SNAPC3: variants seen among roughly 807,000 people sequenced by gnomAD.
SNAPC3 encodes the protein snRNA-activating protein complex subunit 3.
In SNAPC3, 56 loss-of-function variants were observed where a neutral mutation model predicts 47.7. The ratio of observed to expected loss-of-function variants is 1.18; its 90% CI spans 0.95 to 1.47. The LOEUF is 1.47. SNAPC3 is among the 40% of genes most tolerant of loss of function. The pLI, the probability that SNAPC3 is intolerant of heterozygous loss-of-function variation, is 0.00. For missense variants in SNAPC3, 665 were observed against 511.3 expected (o/e 1.30, Z -2.90); for synonymous variants, 235 against 189.9 (o/e 1.24, Z -1.95).
rs2131706896 is a variant in SNAPC3 at position 15,422,947 on chromosome 9, G to C, written c.68G>C (p.Gly23Ala). 1.3e-6 allele frequency: 2 copies of C among 1,532,690 alleles called. No homozygotes were observed. The highest frequency in any genetic ancestry group is 1.7e-6 in the Non-Finnish European group (2 of 1,144,398). 94.9% of individuals were successfully genotyped at this position (1,532,690 alleles called of 1,614,324 possible). The change falls in exon 1 of 9, where the codon GGC becomes GCC. Residue 23 changes from glycine (G) to alanine (A), a missense_variant. Transcript: ENST00000380821. ...GVGGRQDPVSGSGGCNFPEYE... is the reference protein window; with the variant it reads ...GVGGRQDPVSASGGCNFPEYE... ...GGTGGCAGGCAGGACCCAGTCTCCG[G>C]CAGTGGCGGCTGCAACTTTCCAGAG...
chr9:15,451,354 G>T lies in SNAPC3; in HGVS notation c.767G>T (p.Gly256Val). The T allele has an allele frequency of 6.5e-7, 1 of 1,549,182 alleles. No homozygotes were observed. Among genetic ancestry groups the T allele is most frequent in the Non-Finnish European group, 8.8e-7 (1 of 1,130,998 alleles). Reference protein sequence around the residue: ...LYKSAFFYFEGTFYNDKRYPE... With the variant: ...LYKSAFFYFEVTFYNDKRYPE... Reference sequence around the variant, plus strand: ...AAATCAGCCTTCTTTTATTTTGAAGGAACATTTTATAATGATAAAAGATAC... The same window carrying T: ...AAATCAGCCTTCTTTTATTTTGAAGTAACATTTTATAATGATAAAAGATAC... Residue 256 changes from glycine to valine, a missense_variant, in exon 6 of 9, where the codon GGA becomes GTA. Physicochemically the swap from Gly to Val is moderately radical, Grantham distance 109 (BLOSUM62 -3). Transcript: ENST00000380821.
chr9:15,427,683 A>T (rs1032691428), intron 2 of SNAPC3, among the ~76,000 whole-genome samples: 1 of 152,174 alleles, frequency 6.6e-6, no homozygotes, highest in Admixed American at 6.5e-5. Flanking sequence ...TAGAAATTTT[A>T]GATTATTCTG....
chr9:15,444,694 T>TA lies in SNAPC3; in HGVS notation c.571dup (p.Ile191AsnfsTer4). The TA allele has an allele frequency of 6.4e-7, 1 of 1,567,950 alleles. No individual in the cohort carries two copies. The highest frequency in any genetic ancestry group is 8.8e-7 in the Non-Finnish European group (1 of 1,139,568). On this transcript the variant is annotated frameshift_variant, in exon 4 of 9. Coordinates refer to ENST00000380821, the MANE Select transcript of SNAPC3 (RefSeq NM_001039697.2). LOFTEE classifies it high-confidence loss of function. ...TATCTGTGAATATCTTGTACCCTGT[T>TA]ATATTTCATAAGGTAAGTAGTAAAA...
chr9:15,426,082 A>G (rs992143394), intron 2 of SNAPC3, among the ~76,000 whole-genome samples: 2 of 152,080 alleles, frequency 1.3e-5, no homozygotes, highest in African/African-American at 4.8e-5. Flanking sequence ...CATGTTGGCC[A>G]ACCTCTCGTG....
chr9:15,451,871 T>C (rs1375282490), intron 6 of SNAPC3, among the ~76,000 whole-genome samples: 3 of 152,110 alleles, frequency 2.0e-5, no homozygotes, highest in Non-Finnish European at 4.4e-5. Flanking sequence ...GTACATAATA[T>C]AGGAAAAATC....
chr9:15,425,401 G>A (rs2031233831), intron 2 of SNAPC3, among the ~76,000 whole-genome samples: 1 of 151,968 alleles, frequency 6.6e-6, no homozygotes, highest in Non-Finnish European at 1.5e-5. Flanking sequence ...TGCATTTTTT[G>A]TAGAGACGGG....
intron 5 of SNAPC3, 114 bp from the exon 6 acceptor site, chr9:15,451,201 GCAGTT>G: frequency 3.2e-6 from 1 of 310,264 alleles, no homozygotes; most frequent in Non-Finnish European, 5.3e-6. Flanking sequence ...GAAAATAGTA[GCAGTT>G]TTTTAACACA....
Position 15,451,308 on chromosome 9 carries a change from GT to G in SNAPC3, c.733-8del. 1 of 1,149,290 alleles carries G rather than the reference GT, an allele frequency of 8.7e-7. No individual in the cohort carries two copies. The highest frequency in any genetic ancestry group is 1.2e-6 in the Non-Finnish European group (1 of 802,274). The allele number at this position is 1,149,290 out of a possible 1,614,324, so 71.2% of individuals were successfully genotyped here. On this transcript the variant is annotated splice_polypyrimidine_tract_variant and intron_variant, in intron 5 of 8. Transcript: ENST00000380821. ...AGTTGATTTTCTCTCAATACAATCT[GT>G]TTTCTTGTAGGACCTATACAAATCA...
chr9:15,442,985 A>G (rs1347992016), intron 3 of SNAPC3, among the ~76,000 whole-genome samples: 1 of 152,220 alleles, frequency 6.6e-6, no homozygotes, highest in Admixed American at 6.5e-5. Flanking sequence ...CCTGGCCAAC[A>G]CAGCGAAACC....
chr9:15,422,895 C>T lies in SNAPC3; in HGVS notation c.16C>T (p.Arg6Ter), dbSNP rs777523833. The change falls in exon 1 of 9, where the codon CGA becomes TGA. Residue 6 changes from arginine (R) to a stop codon, truncating the protein, a stop_gained. Coordinates refer to ENST00000380821, the MANE Select transcript of SNAPC3 (RefSeq NM_001039697.2). LOFTEE classifies it high-confidence loss of function. MAEGS[R>*]GGPTCSGVGG... is the part of the protein sequence containing the mutation. ...TGGGGCGAACATGGCTGAAGGAAGC[C>T]GAGGTGGCCCTACGTGTAGCGGGGT... The T allele has an allele frequency of 3.9e-6, 6 of 1,534,606 alleles. No homozygotes were observed. The highest frequency in any genetic ancestry group is 2.1e-5 in the Admixed American group (1 of 46,588).
chr9:15,457,711 T>A (rs544574790), intron 7 of SNAPC3, among the ~76,000 whole-genome samples: 1 of 152,314 alleles, frequency 6.6e-6, no homozygotes, highest in South Asian at 2.1e-4. Flanking sequence ...CAGTGTACAT[T>A]ACCATAAAGG....
At chr9:15,443,915 C>T (rs2033719786) in intron 3 of SNAPC3, among the ~76,000 whole-genome samples, 1 of 152,140 alleles carries the variant, frequency 6.6e-6, no homozygotes, top group Non-Finnish European at 1.5e-5. Flanking sequence ...GTAAGTGTCC[C>T]ATCAGGTTCC....
intron 3 of SNAPC3, among the ~76,000 whole-genome samples, chr9:15,443,190 G>C (rs1432753752): frequency 5.9e-5 from 9 of 152,126 alleles, no homozygotes. Context: ...ACCGTGGGGA[G>C]AGGGGGAGAG....
At position 15,451,964 on chromosome 9, in the gene SNAPC3, C is replaced by T. The variant is rs1587371305; in HGVS notation, c.815+562C>T. 6.1e-5 allele frequency among the ~76,000 whole-genome samples: 3 copies of T among 49,268 alleles called. No individual in the cohort carries two copies. The East Asian group carries it at 1.3e-3, about 22-fold the overall frequency. The allele number at this position is 49,268 out of a possible 152,430, so 32.3% of individuals were successfully genotyped here. A position where few individuals can be genotyped will look rare whatever the true frequency, so the allele number is the denominator to read the frequency against. ...ATACAAGTATATATATTATTGTTGC[C>T]CTTTTTAAAAAAAAAAAATGAAAAA... On this transcript the variant is annotated intron_variant, in intron 6 of 8. Transcript: ENST00000380821.
chr9:15,457,079 G>A (rs1416374597), intron 7 of SNAPC3, among the ~76,000 whole-genome samples: 2 of 152,104 alleles, frequency 1.3e-5, no homozygotes, highest in African/African-American at 4.8e-5. Context: ...GCAGAGTAGA[G>A]ATTGACTTCC....
chr9:15,449,535 TTATATATATATATA>T (rs538667627), intron 5 of SNAPC3, among the ~76,000 whole-genome samples: 30 of 45,764 alleles, frequency 6.6e-4, no homozygotes, highest in African/African-American at 2.1e-3. Context: ...TCTATTATTA[TTATATATATATATA>T]TATATATATA....
At chr9:15,459,449 T>C (rs183297107) in intron 8 of SNAPC3, among the ~76,000 whole-genome samples, 4 of 152,330 alleles carry the variant, frequency 2.6e-5, no homozygotes, top group South Asian at 2.1e-4. Context: ...TGCTTTCAAA[T>C]AGATTTATAT....
chr9:15,465,529 T>C, downstream of SNAPC3: 1 of 1,567,720 alleles, frequency 6.4e-7, no homozygotes, highest in Non-Finnish European at 8.7e-7. Context: ...CCTAGTTATC[T>C]AGTGTAGAAT....
chr9:15,447,681 T>C (rs2034054263), intron 5 of SNAPC3, among the ~76,000 whole-genome samples: 1 of 152,210 alleles, frequency 6.6e-6, no homozygotes, highest in Non-Finnish European at 1.5e-5. Context: ...ATGACTTTGC[T>C]GTTCATTCAC....
Sources: allele counts gnomAD v4.1 joint callset (sites outside exome capture counted in the v4.1 genomes callset), GRCh38; gene constraint gnomAD v4.1.1; transcripts MANE v1.5; gene names NCBI Gene and HGNC (gene_info 2026-07-23, HGNC 2026-07-21).